The following ASPRV1 variants were observed in gnomAD, a reference collection of about 807,000 sequenced individuals.
The protein encoded by ASPRV1 is aspartic peptidase retroviral like 1, also known as retroviral-like aspartic protease 1.
In ASPRV1, 7 loss-of-function variants were observed where a neutral mutation model predicts 11.0. That is an observed-to-expected ratio of 0.64 (90% CI 0.36 to 1.20). ASPRV1 has a LOEUF of 1.20. Among genes scored for constraint, ASPRV1 ranks in the 50% most tolerant of loss-of-function variants. The probability of loss-of-function intolerance (pLI) is 0.02; values close to 1 mark genes in which losing one functional copy is unlikely to be tolerated. For synonymous variants in ASPRV1, 136 were observed against 138.4 expected (o/e 0.98, Z 0.12); for missense variants, 299 against 320.0 (o/e 0.93, Z 0.50).
chr2:70,036,597 AC>A, the ASPRV1 span, among the ~76,000 whole-genome samples: 1 of 152,294 alleles, frequency 6.6e-6, no homozygotes, highest in East Asian at 1.9e-4. Flanking sequence ...TAAACAAAAA[AC>A]AAAAAAAAGT....
upstream of ASPRV1, chr2:69,961,749 G>T: frequency 6.0e-6 from 9 of 1,496,806 alleles, no homozygotes; most frequent in Non-Finnish European, 8.1e-6. Flanking sequence ...CATCCGGCCG[G>T]ACTAGCAGGA....
chr2:70,031,213 T>C, the ASPRV1 span: 1 of 152,186 alleles, frequency 6.6e-6, no homozygotes, highest in Non-Finnish European at 1.5e-5. Flanking sequence ...GTTCTTCACA[T>C]GCATGATCTC....
chr2:70,082,873 G>A, the ASPRV1 span, among the ~76,000 whole-genome samples: 6 of 152,088 alleles, frequency 3.9e-5, no homozygotes, highest in African/African-American at 7.2e-5. Flanking sequence ...CAGCATGGGT[G>A]ACAGAGCAAG....
the ASPRV1 span, among the ~76,000 whole-genome samples, chr2:70,059,256 CT>C: frequency 0.052 from 5,863 of 112,156 alleles, 231 homozygotes; most frequent in African/African-American, 0.13. Context: ...GATTGGTTTT[CT>C]TTTTTTTTTT....
chr2:69,978,570 G>A, the ASPRV1 span, among the ~76,000 whole-genome samples: 6 of 152,238 alleles, frequency 3.9e-5, no homozygotes, highest in African/African-American at 1.4e-4. Context: ...TCACCCTGAT[G>A]ATTACGCAGA....
chr2:70,013,054 T>C, the ASPRV1 span, among the ~76,000 whole-genome samples: 1 of 152,352 alleles, frequency 6.6e-6, no homozygotes, highest in East Asian at 1.9e-4. Flanking sequence ...TCAAGACTTT[T>C]CTGATGAAAT....
the ASPRV1 span, among the ~76,000 whole-genome samples, chr2:70,016,894 T>C: frequency 4.6e-5 from 7 of 152,008 alleles, no homozygotes; most frequent in African/African-American, 9.7e-5. Context: ...TTATGATCAA[T>C]TGGGATTTAT....
chr2:70,000,780 C>A, the ASPRV1 span, among the ~76,000 whole-genome samples: 2 of 102,202 alleles, frequency 2.0e-5, no homozygotes, highest in Non-Finnish European at 3.6e-5. Context: ...CAGAGCAAGA[C>A]CCTGCCTCAA....
chr2:69,947,564 C>G, the ASPRV1 span, among the ~76,000 whole-genome samples: 1 of 152,100 alleles, frequency 6.6e-6, no homozygotes, highest in Admixed American at 6.5e-5. Flanking sequence ...AACATCTTTC[C>G]TATTTTAGTA....
At chr2:69,982,093 A>G in the ASPRV1 span, among the ~76,000 whole-genome samples, 1 of 151,190 alleles carries the variant, frequency 6.6e-6, no homozygotes. Flanking sequence ...CCTTCCATCC[A>G]TCGGGCACAA....
the ASPRV1 span, among the ~76,000 whole-genome samples, chr2:70,007,760 A>C: frequency 6.6e-6 from 1 of 152,090 alleles, no homozygotes; most frequent in East Asian, 1.9e-4. Context: ...ATATCTAGGG[A>C]GTGGGACTGG....
upstream of ASPRV1, chr2:69,964,370 G>T (rs551922507): frequency 2.2e-6 from 1 of 454,766 alleles, no homozygotes; most frequent in Non-Finnish European, 4.4e-6. Flanking sequence ...CATGGTTACC[G>T]TGAGAGCTGG....
the ASPRV1 span, among the ~76,000 whole-genome samples, chr2:70,008,948 C>T: frequency 2.6e-5 from 4 of 152,196 alleles, no homozygotes; most frequent in East Asian, 1.9e-4. Flanking sequence ...CTGGAGTTGC[C>T]CTAAATGCTT....
At chr2:70,043,790 A>G in the ASPRV1 span, among the ~76,000 whole-genome samples, 18 of 152,196 alleles carry the variant, frequency 1.2e-4, no homozygotes, top group Non-Finnish European at 2.2e-4. Context: ...CCACAGACCC[A>G]AAGGTCCAGC....
the ASPRV1 span, among the ~76,000 whole-genome samples, chr2:70,040,924 C>T: frequency 2.6e-5 from 4 of 152,164 alleles, no homozygotes; most frequent in Non-Finnish European, 4.4e-5. Flanking sequence ...CTCTGAATGC[C>T]CATTTCAAGC....
At chr2:70,076,484 T>C in the ASPRV1 span, among the ~76,000 whole-genome samples, 3 of 152,214 alleles carry the variant, frequency 2.0e-5, no homozygotes, top group Non-Finnish European at 2.9e-5. Flanking sequence ...GCACTTTACA[T>C]AGCTGATGGC....
At chr2:70,013,831 C>A in the ASPRV1 span, among the ~76,000 whole-genome samples, 1 of 152,138 alleles carries the variant, frequency 6.6e-6, no homozygotes, top group African/African-American at 2.4e-5. Flanking sequence ...CAGTGAGCTG[C>A]AATCGCACCA....
At chr2:70,044,874 C>T in the ASPRV1 span, among the ~76,000 whole-genome samples, 20 of 152,312 alleles carry the variant, frequency 1.3e-4, no homozygotes, top group African/African-American at 4.8e-4. Context: ...CCCCATCACA[C>T]CTGACTTTGT....
the ASPRV1 span, among the ~76,000 whole-genome samples, chr2:70,067,774 T>C: frequency 6.6e-6 from 1 of 152,208 alleles, no homozygotes; most frequent in South Asian, 2.1e-4. Flanking sequence ...CACCAATACA[T>C]TACCTCTAGT....
Sources: allele counts gnomAD v4.1 joint callset (sites outside exome capture counted in the v4.1 genomes callset), GRCh38; gene constraint gnomAD v4.1.1; transcripts MANE v1.5; gene names NCBI Gene and HGNC (gene_info 2026-07-23, HGNC 2026-07-21).